Variants in CACNG5 observed in about 807,000 individuals in gnomAD.
The protein encoded by CACNG5 is voltage-dependent calcium channel gamma-5 subunit.
CACNG5 carries 18 observed loss-of-function variants against 24.8 expected under a neutral mutation model. The observed-to-expected ratio is 0.73, with a 90% CI of 0.50 to 1.08. The LOEUF is 1.08. CACNG5 is among the 50% of genes least tolerant of loss of function. The pLI is 0.00. For synonymous variants in CACNG5, 157 were observed against 149.1 expected, an observed-to-expected ratio of 1.05 and a Z score of -0.39; for missense variants, 349 against 367.9, an observed-to-expected ratio of 0.95 and a Z score of 0.42.
At chr17:66,881,452 C>T (rs761173675) in intron 4 of CACNG5, among the ~76,000 whole-genome samples, 1 of 152,230 alleles carries the variant, frequency 6.6e-6, no homozygotes, top group Non-Finnish European at 1.5e-5. Context: ...CTCCTTCCCT[C>T]TCCAGTCACA....
chr17:66,850,294 G>A (rs1008242781), intron 1 of CACNG5, among the ~76,000 whole-genome samples: 1 of 152,188 alleles, frequency 6.6e-6, no homozygotes, highest in African/African-American at 2.4e-5. Context: ...TGTGACTTGG[G>A]CATTTGCAGA....
At position 66,877,341 on chromosome 17, in the gene CACNG5, C is replaced by T. The variant is rs965273716; in HGVS notation, c.9C>T (p.Ala3=). Residue 3 remains alanine, a synonymous_variant, in exon 2 of 6, where the codon GCC becomes GCT. Coordinates refer to ENST00000533854, the MANE Select transcript of CACNG5 (RefSeq NM_145811.3). MS[A]CGRKALTLLS... is the part of the protein sequence containing the mutation. ...AGCAACGGTCCAGGAAGATGAGTGC[C>T]TGCGGGAGGAAGGCCCTGACCCTGC... 5.0e-6 allele frequency: 8 copies of T among 1,613,628 alleles called. No individual in the cohort carries two copies. In the African/African-American group the frequency reaches 1.1e-4, roughly 22 times the overall value.
intron 1 of CACNG5, among the ~76,000 whole-genome samples, chr17:66,854,350 C>A (rs549178772): frequency 6.7e-6 from 1 of 148,612 alleles, no homozygotes; most frequent in Non-Finnish European, 1.5e-5. Context: ...ATGGCGTGAA[C>A]CTGGGAGGCA....
intron 1 of CACNG5, among the ~76,000 whole-genome samples, chr17:66,849,307 G>A (rs995416257): frequency 6.6e-6 from 1 of 152,036 alleles, no homozygotes; most frequent in Non-Finnish European, 1.5e-5. Context: ...CGGGGTTGGG[G>A]GCAGGGGTGG....
chr17:66,839,628 G>A (rs1238284324), intron 1 of CACNG5, among the ~76,000 whole-genome samples: 1 of 147,558 alleles, frequency 6.8e-6, no homozygotes, highest in African/African-American at 2.5e-5. Flanking sequence ...CTGGGAAAGA[G>A]CTTCCAAGCA....
chr17:66,844,080 G>A (rs1389846530), intron 1 of CACNG5, among the ~76,000 whole-genome samples: 3 of 152,208 alleles, frequency 2.0e-5, no homozygotes, highest in Middle Eastern at 3.4e-3. Context: ...ATGGGTCACC[G>A]GTGTTCTCTG....
At chr17:66,873,529 A>G (rs901595325) in intron 1 of CACNG5, among the ~76,000 whole-genome samples, 1 of 152,222 alleles carries the variant, frequency 6.6e-6, no homozygotes, top group Admixed American at 6.5e-5. Flanking sequence ...TGCCAAGCTT[A>G]ACATTAAGAT....
chr17:66,880,547 C>G lies in CACNG5; in HGVS notation c.284-10C>G, dbSNP rs772292202. Reference sequence around the variant, plus strand: ...AGGCTGACAGGCCGCCCTTTTGTCCCGTTAATTAGAGATGATCCGCTCAGC... The same window carrying G: ...AGGCTGACAGGCCGCCCTTTTGTCCGGTTAATTAGAGATGATCCGCTCAGC... On this transcript the variant is annotated splice_polypyrimidine_tract_variant and intron_variant, in intron 3 of 5. Transcript: ENST00000533854. 8 of 1,613,972 alleles carry G rather than the reference C, an allele frequency of 5.0e-6. No homozygotes were observed. The African/African-American group carries it at 9.3e-5, about 19-fold the overall frequency.
At chr17:66,882,242 C>T (rs1977169730) in intron 4 of CACNG5, among the ~76,000 whole-genome samples, 1 of 152,118 alleles carries the variant, frequency 6.6e-6, no homozygotes, top group Non-Finnish European at 1.5e-5. Context: ...CAATTTCTTG[C>T]TTGAGCACTG....
At chr17:66,849,758 T>C (rs574256576) in intron 1 of CACNG5, among the ~76,000 whole-genome samples, 2 of 152,242 alleles carry the variant, frequency 1.3e-5, no homozygotes, top group Non-Finnish European at 2.9e-5. Flanking sequence ...CACAACCCCA[T>C]AGGAAAGCAT....
At chr17:66,861,749 G>A (rs1461161139) in intron 1 of CACNG5, among the ~76,000 whole-genome samples, 1 of 152,192 alleles carries the variant, frequency 6.6e-6, no homozygotes, top group Non-Finnish European at 1.5e-5. Context: ...GGTAGCCATG[G>A]GGGCAGTGAG....
chr17:66,863,471 A>G (rs767134970), intron 1 of CACNG5, among the ~76,000 whole-genome samples: 40 of 151,954 alleles, frequency 2.6e-4, no homozygotes, highest in Non-Finnish European at 2.4e-4. Flanking sequence ...GGTTCAAGCA[A>G]TTCTCCTACC....
intron 1 of CACNG5, among the ~76,000 whole-genome samples, chr17:66,853,316 A>C (rs1054358798): frequency 3.9e-5 from 6 of 152,274 alleles, no homozygotes; most frequent in African/African-American, 1.4e-4. Context: ...CTCGGGTGTA[A>C]GTCTTTATGC....
chr17:66,849,309 C>T (rs1158278118), intron 1 of CACNG5, among the ~76,000 whole-genome samples: 2 of 146,014 alleles, frequency 1.4e-5, no homozygotes, highest in Admixed American at 1.4e-4. Flanking sequence ...GGGTTGGGGG[C>T]AGGGGTGGGG....
intron 5 of CACNG5, 156 bp downstream of exon 5, chr17:66,884,817 G>C (rs966018937): frequency 1.2e-6 from 2 of 1,613,292 alleles, no homozygotes; most frequent in Non-Finnish European, 1.7e-6. Flanking sequence ...ATGTGTCACT[G>C]TCTTACCTTT....
intron 1 of CACNG5, among the ~76,000 whole-genome samples, chr17:66,868,777 C>T (rs7213009): frequency 0.95 from 145,260 of 152,296 alleles, 69,343 homozygotes; most frequent in East Asian, 1. Context: ...TCTACTGAGA[C>T]GCCACTGTGC....
At chr17:66,868,496 G>A (rs182499948) in intron 1 of CACNG5, among the ~76,000 whole-genome samples, 38 of 152,308 alleles carry the variant, frequency 2.5e-4, no homozygotes, top group African/African-American at 8.2e-4. Context: ...CCTCAACAAT[G>A]TGGCAGAGAG....
intron 1 of CACNG5, among the ~76,000 whole-genome samples, chr17:66,873,047 C>A (rs200993209): frequency 5.5e-4 from 83 of 152,254 alleles, no homozygotes; most frequent in East Asian, 3.9e-3. Context: ...AGCCAGCCTA[C>A]GGCTCACCTG....
intron 1 of CACNG5, among the ~76,000 whole-genome samples, chr17:66,866,979 A>G (rs547715875): frequency 4.6e-5 from 7 of 152,356 alleles, no homozygotes; most frequent in African/African-American, 1.7e-4. Flanking sequence ...CTTTGGGTAT[A>G]TACCCAGTAA....
Sources: allele counts gnomAD v4.1 joint callset (sites outside exome capture counted in the v4.1 genomes callset), GRCh38; gene constraint gnomAD v4.1.1; transcripts MANE v1.5; gene names NCBI Gene and HGNC (gene_info 2026-07-23, HGNC 2026-07-21).